ANK2: variants seen among roughly 807,000 people sequenced by gnomAD.
The protein encoded by ANK2 is ankyrin 2, also known as ankyrin-2.
Under a neutral mutation model 360.5 loss-of-function variants are expected in ANK2, and 83 were observed. That is an observed-to-expected ratio of 0.23 (90% CI 0.19 to 0.28). ANK2 has a LOEUF of 0.28. Ranked by LOEUF, ANK2 falls within the 10% of genes least tolerant of loss-of-function variation. The pLI, the probability that ANK2 is intolerant of heterozygous loss-of-function variation, is 1.00. For synonymous variants in ANK2, 1,740 were observed against 1,759.5 expected (o/e 0.99, Z 0.28); for missense variants, 4,201 against 4,795.7 (o/e 0.88, Z 3.66).
the ANK2 span, among the ~76,000 whole-genome samples, chr4:112,782,342 A>G: frequency 6.6e-6 from 1 of 152,152 alleles, no homozygotes; most frequent in African/African-American, 2.4e-5. Context: ...TCATTATACT[A>G]TTCTCTTTAC....
chr4:113,036,289 G>A (rs897894434), intron 2 of ANK2, among the ~76,000 whole-genome samples: 8 of 150,414 alleles, frequency 5.3e-5, no homozygotes, highest in African/African-American at 1.9e-4. Context: ...TAGGAGTTTA[G>A]ATGCCACATC....
chr4:112,759,330 A>C, the ANK2 span, among the ~76,000 whole-genome samples: 4 of 152,118 alleles, frequency 2.6e-5, no homozygotes, highest in East Asian at 5.8e-4. Flanking sequence ...TTTTTTGTAG[A>C]GAGAAGGTGT....
At chr4:113,069,010 C>G (rs1165085511) in intron 1 of ANK2, among the ~76,000 whole-genome samples, 4 of 151,888 alleles carry the variant, frequency 2.6e-5, no homozygotes, top group African/African-American at 9.7e-5. Context: ...CTGCAGTGAG[C>G]CATGATAGGG....
At chr4:112,988,264 A>T (rs1360363388) in intron 2 of ANK2, among the ~76,000 whole-genome samples, 1 of 152,240 alleles carries the variant, frequency 6.6e-6, no homozygotes, top group African/African-American at 2.4e-5. Context: ...CTTGGCATTA[A>T]CATAATACTG....
At chr4:113,135,893 G>A (rs530998396) in intron 1 of ANK2, among the ~76,000 whole-genome samples, 1 of 152,176 alleles carries the variant, frequency 6.6e-6, no homozygotes, top group South Asian at 2.1e-4. Flanking sequence ...ATTTTTAATG[G>A]TAATTGGATA....
the ANK2 span, among the ~76,000 whole-genome samples, chr4:112,776,526 G>A: frequency 1.3e-5 from 2 of 152,118 alleles, no homozygotes; most frequent in Non-Finnish European, 1.5e-5. Context: ...TTCCATATGG[G>A]AATTTTATTT....
chr4:112,889,144 C>G (rs1031551947), intron 1 of ANK2, among the ~76,000 whole-genome samples: 1 of 151,986 alleles, frequency 6.6e-6, no homozygotes. Context: ...AAACATTTCT[C>G]CTCTAGTTTG....
chr4:112,883,957 A>G (rs1285947318), intron 1 of ANK2, among the ~76,000 whole-genome samples: 1 of 150,390 alleles, frequency 6.6e-6, no homozygotes, highest in African/African-American at 2.4e-5. Context: ...TAGATAAGGA[A>G]TGTGAGCTTA....
chr4:112,706,788 A>G, the ANK2 span: 2 of 152,156 alleles, frequency 1.3e-5, no homozygotes, highest in Non-Finnish European at 1.5e-5. Flanking sequence ...TACAGAAAAC[A>G]TGTGTTCCTG....
At chr4:112,813,057 G>A (rs1560629526), upstream of ANK2, among the ~76,000 whole-genome samples, 1 of 151,898 alleles carries the variant, frequency 6.6e-6, no homozygotes, top group African/African-American at 2.4e-5. Context: ...GGCCAACATA[G>A]TGAAACCATG....
At chr4:113,377,614 A>G (rs893025208) in intron 45 of ANK2, among the ~76,000 whole-genome samples, 1 of 152,226 alleles carries the variant, frequency 6.6e-6, no homozygotes. Flanking sequence ...TACTATACCC[A>G]TAATATATAT....
chr4:112,790,434 C>T, the ANK2 span, among the ~76,000 whole-genome samples: 4 of 151,114 alleles, frequency 2.6e-5, no homozygotes, highest in African/African-American at 9.7e-5. Context: ...AGTGAGGGGA[C>T]TCACAGAAGG....
chr4:113,148,793 G>C (rs17482808), intron 1 of ANK2, among the ~76,000 whole-genome samples: 1 of 152,154 alleles, frequency 6.6e-6, no homozygotes, highest in East Asian at 1.9e-4. Context: ...TACTGGGAAC[G>C]TTCAAGGGAC....
intron 29 of ANK2, 152 bp from the exon 30 acceptor site, chr4:113,335,694 T>G: frequency 1.2e-6 from 1 of 806,692 alleles, no homozygotes; most frequent in Non-Finnish European, 2.1e-6. Flanking sequence ...GTTGTTAGGA[T>G]AGCCTTGCTT....
Position 113,383,481 on chromosome 4 carries a change from G to C in ANK2, c.*2010G>C, listed in dbSNP as rs886059023. The C allele has an allele frequency of 6.6e-6, 1 of 152,642 alleles. No individual in the cohort carries two copies. Among genetic ancestry groups the C allele is most frequent in the Non-Finnish European group, 1.5e-5 (1 of 68,034 alleles). The allele number at this position is 152,642 out of a possible 1,614,324, so 9.5% of individuals were successfully genotyped here. A position where few individuals can be genotyped will look rare whatever the true frequency, so the allele number is the denominator to read the frequency against. On this transcript the variant is annotated 3_prime_UTR_variant, in exon 46 of 46. Transcript: ENST00000357077. ...GTTATTTGCAGTGCAGATGATGTCT[G>C]TGTAACAACATAATGGTTATTCACC...
chr4:113,055,107 T>C (rs566074352), intron 1 of ANK2, among the ~76,000 whole-genome samples: 1 of 152,174 alleles, frequency 6.6e-6, no homozygotes, highest in African/African-American at 2.4e-5. Flanking sequence ...AGAACCATTG[T>C]CTTAGCCAGG....
chr4:113,104,120 G>A (rs188314324), intron 1 of ANK2, among the ~76,000 whole-genome samples: 8 of 152,202 alleles, frequency 5.3e-5, no homozygotes, highest in African/African-American at 1.9e-4. Context: ...CAGTGGTGAG[G>A]TAAGAATATA....
At chr4:112,833,183 A>C (rs768207929) in intron 1 of ANK2, among the ~76,000 whole-genome samples, 3 of 152,276 alleles carry the variant, frequency 2.0e-5, no homozygotes, top group Non-Finnish European at 4.4e-5. Context: ...GCCTTGGAAT[A>C]CAGAATTATA....
intron 1 of ANK2, among the ~76,000 whole-genome samples, chr4:113,109,602 A>G (rs1031506485): frequency 2.6e-5 from 4 of 152,200 alleles, no homozygotes; most frequent in Admixed American, 2.0e-4. Context: ...AACTTTTCAA[A>G]ATAAAAGCTC....
Sources: allele counts gnomAD v4.1 joint callset (sites outside exome capture counted in the v4.1 genomes callset), GRCh38; gene constraint gnomAD v4.1.1; transcripts MANE v1.5; gene names NCBI Gene and HGNC (gene_info 2026-07-23, HGNC 2026-07-21).